The following SH3BGRL2 variants were observed in gnomAD, a reference collection of about 807,000 sequenced individuals.
SH3BGRL2 encodes the protein SH3 domain-binding glutamic acid-rich-like protein 2.
A neutral mutation model predicts 14.8 loss-of-function variants in SH3BGRL2; 21 were observed. The observed-to-expected ratio is 1.42, with a 90% confidence interval of 1.01 to 2.05. SH3BGRL2 has a LOEUF of 2.05. SH3BGRL2 is among the 30% of genes most tolerant of loss of function. The pLI is 0.00. For missense variants in SH3BGRL2, 147 were observed against 130.8 expected (o/e 1.12, Z -0.61); for synonymous variants, 50 against 47.8 (o/e 1.05, Z -0.19).
chr6:79,642,405 T>C (rs550084139), intron 1 of SH3BGRL2, among the ~76,000 whole-genome samples: 1 of 152,304 alleles, frequency 6.6e-6, no homozygotes, highest in East Asian at 1.9e-4. Flanking sequence ...ACACCAAATA[T>C]ACTGTGTATG....
At chr6:79,554,264 C>G in the SH3BGRL2 span, among the ~76,000 whole-genome samples, 1 of 152,022 alleles carries the variant, frequency 6.6e-6, no homozygotes, top group South Asian at 2.1e-4. Context: ...TGATGGTTAT[C>G]TAATGCGTTT....
upstream of SH3BGRL2, among the ~76,000 whole-genome samples, chr6:79,627,468 A>T (rs2127720363): frequency 6.6e-6 from 1 of 152,304 alleles, no homozygotes; most frequent in Admixed American, 6.5e-5. Context: ...TATCATTAGA[A>T]TATTGATTGA....
chr6:79,681,406 A>G (rs1198084683), intron 2 of SH3BGRL2, among the ~76,000 whole-genome samples: 1 of 152,130 alleles, frequency 6.6e-6, no homozygotes, highest in Non-Finnish European at 1.5e-5. Context: ...AAAGCTTTTT[A>G]CTAGTTTTGT....
chr6:79,679,980 A>G (rs1333870792), intron 2 of SH3BGRL2, among the ~76,000 whole-genome samples: 1 of 152,148 alleles, frequency 6.6e-6, no homozygotes, highest in African/African-American at 2.4e-5. Context: ...TTTGGGTAGT[A>G]ATCCCTTATC....
At chr6:79,651,732 C>A (rs1769300183) in intron 1 of SH3BGRL2, among the ~76,000 whole-genome samples, 1 of 152,006 alleles carries the variant, frequency 6.6e-6, no homozygotes, top group Non-Finnish European at 1.5e-5. Flanking sequence ...GGGAAAGAGG[C>A]ACAGACACAT....
chr6:79,563,130 A>ATTTTTTG, the SH3BGRL2 span, among the ~76,000 whole-genome samples: 27 of 138,224 alleles, frequency 2.0e-4, no homozygotes, highest in East Asian at 5.4e-3. Context: ...TAATTTTTTG[A>ATTTTTTG]ATTTTTTTTT....
intron 2 of SH3BGRL2, among the ~76,000 whole-genome samples, chr6:79,683,369 G>A (rs973282330): frequency 1.3e-5 from 2 of 152,080 alleles, no homozygotes; most frequent in Non-Finnish European, 2.9e-5. Flanking sequence ...GGCTTTGAGG[G>A]CCATGTAGTT....
the SH3BGRL2 span, among the ~76,000 whole-genome samples, chr6:79,601,160 A>G: frequency 1.3e-5 from 2 of 152,206 alleles, no homozygotes; most frequent in Non-Finnish European, 2.9e-5. Context: ...TAAAAAGGCA[A>G]GAGGCAACGC....
At chr6:79,653,703 A>G (rs1769348958) in intron 1 of SH3BGRL2, among the ~76,000 whole-genome samples, 3 of 152,328 alleles carry the variant, frequency 2.0e-5, no homozygotes, top group Non-Finnish European at 2.9e-5. Context: ...GGGGTATGGA[A>G]AAGAGTAATT....
the SH3BGRL2 span, among the ~76,000 whole-genome samples, chr6:79,552,099 A>G: frequency 6.6e-6 from 1 of 152,146 alleles, no homozygotes; most frequent in Admixed American, 6.5e-5. Context: ...CAAAAAAACA[A>G]AAGTATTTTC....
At chr6:79,549,813 A>G in the SH3BGRL2 span, among the ~76,000 whole-genome samples, 1 of 152,236 alleles carries the variant, frequency 6.6e-6, no homozygotes, top group Non-Finnish European at 1.5e-5. Context: ...ATTATTTTAG[A>G]TTAATGAGTA....
chr6:79,687,164 A>G (rs1216387902), intron 2 of SH3BGRL2, among the ~76,000 whole-genome samples: 1 of 152,178 alleles, frequency 6.6e-6, no homozygotes, highest in East Asian at 1.9e-4. Context: ...AGCCTGCTCC[A>G]GATTGTTGTG....
chr6:79,573,604 C>T, the SH3BGRL2 span, among the ~76,000 whole-genome samples: 6 of 152,048 alleles, frequency 3.9e-5, no homozygotes, highest in African/African-American at 1.4e-4. Flanking sequence ...CTTTATGTTC[C>T]GAGTATTTGT....
chr6:79,650,007 A>ACACACG (rs1383752132), intron 1 of SH3BGRL2, among the ~76,000 whole-genome samples: 1 of 151,830 alleles, frequency 6.6e-6, no homozygotes, highest in Non-Finnish European at 1.5e-5. Context: ...ACACACACAC[A>ACACACG]CACACACACA....
chr6:79,653,990 G>A (rs1769355806), intron 1 of SH3BGRL2, among the ~76,000 whole-genome samples: 1 of 152,202 alleles, frequency 6.6e-6, no homozygotes, highest in Non-Finnish European at 1.5e-5. Context: ...TTCAAGGGAT[G>A]GAGAAGTAAA....
At chr6:79,596,593 C>T in the SH3BGRL2 span, among the ~76,000 whole-genome samples, 2 of 152,162 alleles carry the variant, frequency 1.3e-5, no homozygotes, top group Non-Finnish European at 2.9e-5. Flanking sequence ...TTGCAATGTG[C>T]CACAAAACCT....
At chr6:79,599,808 G>T in the SH3BGRL2 span, among the ~76,000 whole-genome samples, 12 of 152,154 alleles carry the variant, frequency 7.9e-5, no homozygotes, top group African/African-American at 2.7e-4. Context: ...TGGCTAGAAA[G>T]AAACACCACT....
chr6:79,548,469 G>A, the SH3BGRL2 span, among the ~76,000 whole-genome samples: 2 of 152,074 alleles, frequency 1.3e-5, no homozygotes, highest in Admixed American at 6.6e-5. Context: ...CTCAGCCAGC[G>A]GGAGTTTTGA....
chr6:79,574,620 G>A, the SH3BGRL2 span: 1 of 152,146 alleles, frequency 6.6e-6, no homozygotes, highest in Non-Finnish European at 1.5e-5. Flanking sequence ...GGTGGTGATT[G>A]TTATAAAACA....
Sources: gnomAD v4.1 joint callset for allele counts (sites outside exome capture counted in the v4.1 genomes callset) on GRCh38, gnomAD v4.1.1 for gene constraint, MANE v1.5 for transcripts, NCBI Gene and HGNC (gene_info 2026-07-23, HGNC 2026-07-21) for gene names.